Variants in GEMIN5 observed in about 807,000 individuals in gnomAD.
GEMIN5 encodes the protein gem-associated protein 5.
GEMIN5 carries 124 observed loss-of-function variants against 176.9 expected under a neutral mutation model. The ratio of observed to expected loss-of-function variants is 0.70; its 90% confidence interval spans 0.61 to 0.81. The LOEUF is 0.81. Among genes scored for constraint, GEMIN5 ranks in the 40% least tolerant of loss-of-function variants. The probability of loss-of-function intolerance (pLI) is 0.00; values close to 1 mark genes in which losing one functional copy is unlikely to be tolerated. For synonymous variants in GEMIN5, 673 were observed against 665.2 expected (o/e 1.01, Z -0.18); for missense variants, 1,843 against 1,814.6 (o/e 1.02, Z -0.28).
chr5:154,904,842 C>T (rs1250854505), intron 17 of GEMIN5, among the ~76,000 whole-genome samples: 2 of 152,142 alleles, frequency 1.3e-5, no homozygotes, highest in South Asian at 2.1e-4. Context: ...GATGTAGTGT[C>T]AACAACTGCA....
intron 24 of GEMIN5, among the ~76,000 whole-genome samples, chr5:154,892,925 C>T (rs372057095): frequency 3.5e-4 from 53 of 152,104 alleles, no homozygotes; most frequent in South Asian, 1.0e-3. Context: ...GGTGAAACCC[C>T]GCCTCTACTA....
intron 13 of GEMIN5, among the ~76,000 whole-genome samples, chr5:154,913,757 T>C (rs963148279): frequency 2.6e-5 from 4 of 151,986 alleles, no homozygotes; most frequent in Admixed American, 2.6e-4. Flanking sequence ...GCAGAGGTTG[T>C]AGTGAGCTGA....
intron 3 of GEMIN5, among the ~76,000 whole-genome samples, chr5:154,935,513 T>C (rs1764248427): frequency 6.6e-6 from 1 of 152,190 alleles, no homozygotes; most frequent in Non-Finnish European, 1.5e-5. Context: ...AGCAAAGTCA[T>C]CTGACACCTG....
chr5:154,898,292 A>G (rs1325884805), intron 23 of GEMIN5, 148 bp downstream of exon 23: 3 of 698,172 alleles, frequency 4.3e-6, no homozygotes, highest in Admixed American at 2.2e-5. Context: ...AACAAGTCAT[A>G]GTACTTCAGT....
intron 2 of GEMIN5, 38 bp from the exon 3 acceptor site, chr5:154,936,060 GA>G: frequency 7.9e-7 from 1 of 1,261,932 alleles, no homozygotes; most frequent in Non-Finnish European, 1.1e-6. Flanking sequence ...TGTCAATGCT[GA>G]AGTTCTACTT....
At chr5:154,934,123 C>T (rs1471084776) in intron 3 of GEMIN5, among the ~76,000 whole-genome samples, 1 of 152,198 alleles carries the variant, frequency 6.6e-6, no homozygotes, top group African/African-American at 2.4e-5. Flanking sequence ...TCAAGCGATT[C>T]TCCTGCCTCA....
chr5:154,901,553 T>C (rs1460591545), intron 20 of GEMIN5, 67 bp from the exon 21 acceptor site: 53 of 1,497,474 alleles, frequency 3.5e-5, no homozygotes, highest in South Asian at 2.0e-4. Context: ...ACCCAGTACA[T>C]TTGGGTTGAA....
rs1290765694 is a variant in GEMIN5 at position 154,894,211 on chromosome 5, C to T, written c.3598-1662G>A. Among the ~76,000 whole-genome samples the T allele has an allele frequency of 2.0e-5, 3 of 152,136 alleles. No individual in the cohort carries two copies. In the East Asian group the frequency reaches 5.8e-4, roughly 30 times the overall value. On this transcript the variant is annotated intron_variant, in intron 24 of 27. Transcript: ENST00000285873. ...CCACCCGCGTTGGCCTCCCAAAGTG[C>T]TGGGATTACAGGTGTGAGCCACCAA...
Position 154,887,493 on chromosome 5 carries a change from CA to C in GEMIN5, c.*716del, listed in dbSNP as rs1763134005. The C allele has an allele frequency of 6.6e-6, 1 of 152,168 alleles. No homozygotes were observed. The highest frequency in any genetic ancestry group is 1.5e-5 in the Non-Finnish European group (1 of 68,034). 9.4% of individuals were successfully genotyped at this position (152,168 alleles called of 1,614,324 possible). ...CAAGAAAGTTTAAGAACCATTGAAACAGTAATTTATTCCTGAGCTATTTGAC... is the reference window on the plus strand; with the variant it reads ...CAAGAAAGTTTAAGAACCATTGAAACGTAATTTATTCCTGAGCTATTTGAC... On this transcript the variant is annotated 3_prime_UTR_variant, in exon 28 of 28. Coordinates refer to ENST00000285873, the MANE Select transcript of GEMIN5 (RefSeq NM_015465.5).
chr5:154,891,801 C>G, intron 25 of GEMIN5, 59 bp from the exon 26 acceptor site: 1 of 1,465,682 alleles, frequency 6.8e-7, no homozygotes, highest in Middle Eastern at 1.8e-4. Flanking sequence ...AGAAATGTGG[C>G]TTCCTGCCCT....
At chr5:154,892,301 A>G in intron 25 of GEMIN5, 86 bp downstream of exon 25, 2 of 1,078,974 alleles carry the variant, frequency 1.9e-6, no homozygotes, top group Non-Finnish European at 2.7e-6. Context: ...ATCTTTTAAG[A>G]ATCTAGGTAC....
chr5:154,888,147 A>G lies in GEMIN5; in HGVS notation c.*63T>C, dbSNP rs1440731650. 1.4e-6 allele frequency: 2 copies of G among 1,460,898 alleles called. No homozygotes were observed. Among genetic ancestry groups the G allele is most frequent in the East Asian group, 4.5e-5 (2 of 44,152 alleles). The allele number at this position is 1,460,898 out of a possible 1,614,324, so 90.5% of individuals were successfully genotyped here. A position where few individuals can be genotyped will look rare whatever the true frequency, so the allele number is the denominator to read the frequency against. On this transcript the variant is annotated 3_prime_UTR_variant, in exon 28 of 28. Coordinates refer to ENST00000285873, the MANE Select transcript of GEMIN5 (RefSeq NM_015465.5). ...CAGAGTGAATGTCTGGTGAGGCATAACTGCAGAGGTGAAAGATGTCAAACA... is the reference window on the plus strand; with the variant it reads ...CAGAGTGAATGTCTGGTGAGGCATAGCTGCAGAGGTGAAAGATGTCAAACA...
intron 3 of GEMIN5, among the ~76,000 whole-genome samples, chr5:154,933,354 T>C (rs1764204504): frequency 6.6e-6 from 1 of 152,260 alleles, no homozygotes; most frequent in African/African-American, 2.4e-5. Flanking sequence ...ATTCTGTTTG[T>C]AATTCATCCA....
rs112300664 is a variant in GEMIN5 at position 154,921,353 on chromosome 5, G to T, written c.1452C>A (p.Pro484=). 8.7e-5 allele frequency: 115 copies of T among 1,326,000 alleles called. No individual in the cohort carries two copies. In the African/African-American group the frequency reaches 1.5e-3, roughly 17 times the overall value. The allele number at this position is 1,326,000 out of a possible 1,614,324, so 82.1% of individuals were successfully genotyped here. Residue 484 remains proline, a synonymous_variant, in exon 10 of 28, where the codon CCC becomes CCA. Coordinates refer to ENST00000285873, the MANE Select transcript of GEMIN5 (RefSeq NM_015465.5). ...TGTTCAGATACTTACCAAGTGACATGGGGGGTACTGGTGGCCCCCAGGCTA... is the reference window on the plus strand; with the variant it reads ...TGTTCAGATACTTACCAAGTGACATTGGGGGTACTGGTGGCCCCCAGGCTA... ...YTLAWGPPVP[P]MSLGGEGDRP...
chr5:154,921,282 T>C, intron 10 of GEMIN5, 61 bp downstream of exon 10: 1 of 827,676 alleles, frequency 1.2e-6, no homozygotes. Flanking sequence ...CTTTAATATT[T>C]TAGGATTAAA....
intron 26 of GEMIN5, 89 bp downstream of exon 26, chr5:154,891,152 C>T: frequency 7.9e-7 from 1 of 1,269,898 alleles, no homozygotes. Flanking sequence ...GCTTCAGCCT[C>T]CCAAAGTGCT....
intron 2 of GEMIN5, among the ~76,000 whole-genome samples, chr5:154,936,579 G>C (rs763698092): frequency 1.3e-5 from 2 of 152,132 alleles, no homozygotes; most frequent in African/African-American, 2.4e-5. Context: ...CTTTTCCTTT[G>C]TTCTCTCAAA....
chr5:154,892,434 CCT>C lies in GEMIN5; in HGVS notation c.3711_3712del (p.Gly1238GlufsTer15). ...CACTTCCTGCATGATGGTGAAGCTCCCTGAGTCATAGCTCCGGACCACCGCCC... is the reference window on the plus strand; with the variant it reads ...CACTTCCTGCATGATGGTGAAGCTCCGAGTCATAGCTCCGGACCACCGCCC... On this transcript the variant is annotated frameshift_variant, in exon 25 of 28. Coordinates refer to ENST00000285873, the MANE Select transcript of GEMIN5 (RefSeq NM_015465.5). LOFTEE classifies it high-confidence loss of function. 1 of 1,614,128 alleles carries C rather than the reference CCT, an allele frequency of 6.2e-7. No individual in the cohort carries two copies. Among genetic ancestry groups the C allele is most frequent in the Non-Finnish European group, 8.5e-7 (1 of 1,180,020 alleles).
chr5:154,901,308 A>G, intron 21 of GEMIN5, 31 bp downstream of exon 21: 1 of 1,590,364 alleles, frequency 6.3e-7, no homozygotes, highest in Non-Finnish European at 8.6e-7. Flanking sequence ...ATTATGTCCA[A>G]GTATTATCCC....
Sources: gnomAD v4.1 joint callset for allele counts (sites outside exome capture counted in the v4.1 genomes callset) on GRCh38, gnomAD v4.1.1 for gene constraint, MANE v1.5 for transcripts, NCBI Gene and HGNC (gene_info 2026-07-23, HGNC 2026-07-21) for gene names.